CFAP91: variants seen among roughly 807,000 people sequenced by gnomAD.
CFAP91 encodes the protein cilia- and flagella-associated protein 91.
A neutral mutation model predicts 95.9 loss-of-function variants in CFAP91; 85 were observed. That is an observed-to-expected ratio of 0.89 (90% confidence interval 0.74 to 1.06). The LOEUF (loss-of-function observed/expected upper bound fraction) is 1.06. Among genes scored for constraint, CFAP91 ranks in the 50% least tolerant of loss-of-function variants. The probability of loss-of-function intolerance (pLI) is 0.00; values close to 1 mark genes in which losing one functional copy is unlikely to be tolerated. For missense variants in CFAP91, 962 were observed against 943.4 expected (o/e 1.02, Z -0.26); for synonymous variants, 335 against 327.5 (o/e 1.02, Z -0.25).
chr3:119,733,990 G>A (rs949304645), intron 10 of CFAP91, among the ~76,000 whole-genome samples: 5 of 152,072 alleles, frequency 3.3e-5, no homozygotes, highest in African/African-American at 1.2e-4. Flanking sequence ...TTTCCCTTTT[G>A]GTAGCTGGAC....
Position 119,716,002 on chromosome 3 carries a change from CTCACCT to C in CFAP91, c.682+260_682+265del, listed in dbSNP as rs2053567689. ...AATATTGCAGTTGCTTTGCTGACTA[CTCACCT>C]ATGTCCTCTCATTTCTCTCTCCTAG... On this transcript the variant is annotated intron_variant, in intron 6 of 17. Coordinates refer to ENST00000273390, the MANE Select transcript of CFAP91 (RefSeq NM_033364.4). 5.1e-6 allele frequency: 3 copies of C among 589,828 alleles called. No homozygotes were observed. The African/African-American group carries it at 5.6e-5, about 11-fold the overall frequency. The allele number at this position is 589,828 out of a possible 1,614,324, so 36.5% of individuals were successfully genotyped here.
rs1161615299 is a variant in CFAP91, at chr3:119,766,420, C to T, written c.*1370C>T. On this transcript the variant is annotated 3_prime_UTR_variant, in exon 18 of 18. Coordinates refer to ENST00000273390, the MANE Select transcript of CFAP91 (RefSeq NM_033364.4). Reference sequence around the variant, plus strand: ...TTTTTTTCCCCCTGAGGATCACTGACAAAAAACACTGCACCAGTAAGGAAG... The same window carrying T: ...TTTTTTTCCCCCTGAGGATCACTGATAAAAAACACTGCACCAGTAAGGAAG... 1.3e-5 allele frequency: 2 copies of T among 151,758 alleles called. No individual in the cohort carries two copies. The highest frequency in any genetic ancestry group is 1.3e-4 in the Admixed American group (2 of 15,236). The allele number at this position is 151,758 out of a possible 1,614,324, so 9.4% of individuals were successfully genotyped here.
rs753629441 is a variant in CFAP91, at chr3:119,747,239, A to G, written c.2027A>G (p.Asp676Gly). 1.2e-6 allele frequency: 2 copies of G among 1,613,606 alleles called. No homozygotes were observed. The highest frequency in any genetic ancestry group is 1.7e-6 in the Non-Finnish European group (2 of 1,179,740). ...GAGAAGATGGCTGAGAAAATCAATG[A>G]CATTGCTTATGAAATGGAAAGCCGG... Reference protein sequence around the residue: ...EIEKMAEKINDIAYEMESRRT... With the variant: ...EIEKMAEKINGIAYEMESRRT... The change falls in exon 15 of 18, where the codon GAC becomes GGC. Residue 676 changes from aspartate (D) to glycine (G), a missense_variant. Physicochemically the swap from Asp to Gly is moderately conservative, Grantham distance 94. Transcript: ENST00000273390.
At chr3:119,715,953 A>C in intron 6 of CFAP91, 2 of 599,332 alleles carry the variant, frequency 3.3e-6, no homozygotes, top group Non-Finnish European at 5.9e-6. Context: ...ATCGTACTCT[A>C]TCTGTGAAGC....
intron 14 of CFAP91, among the ~76,000 whole-genome samples, chr3:119,744,825 G>C (rs895706346): frequency 2.6e-5 from 4 of 152,198 alleles, no homozygotes; most frequent in Admixed American, 2.6e-4. Flanking sequence ...TTGGTGACCA[G>C]CTTCTAGCCT....
At chr3:119,716,712 G>A (rs753644895) in intron 6 of CFAP91, among the ~76,000 whole-genome samples, 33 of 152,176 alleles carry the variant, frequency 2.2e-4, no homozygotes, top group African/African-American at 4.6e-4. Context: ...TCAGTCTCCC[G>A]AGTAGCTGGG....
chr3:119,737,937 C>T (rs576563769), intron 11 of CFAP91, among the ~76,000 whole-genome samples: 13 of 152,292 alleles, frequency 8.5e-5, no homozygotes, highest in African/African-American at 2.6e-4. Context: ...TCACCAGACT[C>T]AATTTGAGCA....
chr3:119,742,510 GC>G (rs2054141340), intron 13 of CFAP91, among the ~76,000 whole-genome samples: 1 of 152,212 alleles, frequency 6.6e-6, no homozygotes, highest in Non-Finnish European at 1.5e-5. Context: ...GAGAGAAGAG[GC>G]TAAACATGAA....
chr3:119,740,835 TTGTGTGTGTGTGTGTG>T (rs57901016), intron 13 of CFAP91, 140 bp downstream of exon 13: 24 of 515,130 alleles, frequency 4.7e-5, no homozygotes, highest in South Asian at 2.1e-4. Flanking sequence ...CTGTCAGCAT[TTGTGTGTGTGTGTGTG>T]TGTGTGTGTG....
At chr3:119,711,183 A>G (rs1375257161) in intron 5 of CFAP91, among the ~76,000 whole-genome samples, 1 of 152,166 alleles carries the variant, frequency 6.6e-6, no homozygotes, top group African/African-American at 2.4e-5. Flanking sequence ...TTATGACTCT[A>G]CTTCACCCTT....
chr3:119,740,982 G>A (rs985774779), intron 13 of CFAP91, among the ~76,000 whole-genome samples: 1 of 152,034 alleles, frequency 6.6e-6, no homozygotes, highest in African/African-American at 2.4e-5. Flanking sequence ...AGTCTCCCAA[G>A]CTGGGACTAC....
intron 6 of CFAP91, among the ~76,000 whole-genome samples, chr3:119,720,966 TA>T (rs922305377): frequency 2.0e-5 from 3 of 151,688 alleles, no homozygotes; most frequent in Middle Eastern, 3.4e-3. Context: ...AGACACAGTT[TA>T]AAAAAAAATA....
chr3:119,710,973 A>G (rs2053461263), intron 5 of CFAP91, among the ~76,000 whole-genome samples: 1 of 152,230 alleles, frequency 6.6e-6, no homozygotes, highest in Admixed American at 6.5e-5. Context: ...TATTTCTGTA[A>G]GAGAAAAAAG....
chr3:119,757,941 T>C (rs1320307581), intron 17 of CFAP91, among the ~76,000 whole-genome samples: 2 of 152,206 alleles, frequency 1.3e-5, no homozygotes, highest in African/African-American at 4.8e-5. Context: ...ATATCTCTTG[T>C]TATTTAATGA....
Position 119,739,341 on chromosome 3 carries a change from C to T in CFAP91, c.1533+15C>T, listed in dbSNP as rs760470911. 2 of 1,610,448 alleles carry T rather than the reference C, an allele frequency of 1.2e-6. No individual in the cohort carries two copies. Among genetic ancestry groups the T allele is most frequent in the East Asian group, 4.5e-5 (2 of 44,800 alleles). The stretch of plus-strand genomic sequence containing the variant: ...TTCAGAACATGGTGTGTAGGTCCAA[C>T]CGCTGGCCCTGCATTTCTCTTTTGA... On this transcript the variant is annotated intron_variant, in intron 12 of 17. Coordinates refer to ENST00000273390, the MANE Select transcript of CFAP91 (RefSeq NM_033364.4).
intron 16 of CFAP91, chr3:119,750,103 G>C (rs2054298491): frequency 6.6e-6 from 1 of 152,128 alleles, no homozygotes; most frequent in South Asian, 2.1e-4. Context: ...GCTAAAAACT[G>C]CTGAGTGAAT....
At chr3:119,753,360 A>G (rs896863401) in intron 17 of CFAP91, among the ~76,000 whole-genome samples, 7 of 152,196 alleles carry the variant, frequency 4.6e-5, no homozygotes, top group African/African-American at 1.7e-4. Flanking sequence ...GAAGTAAACT[A>G]TCCCTGGCAT....
intron 17 of CFAP91, among the ~76,000 whole-genome samples, chr3:119,764,845 G>A (rs887961740): frequency 6.6e-6 from 1 of 151,956 alleles, no homozygotes; most frequent in Admixed American, 6.6e-5. Context: ...TTAAGTGCTA[G>A]AATTTGGAAA....
chr3:119,731,622 C>T (rs1230949987), intron 8 of CFAP91, among the ~76,000 whole-genome samples: 1 of 152,218 alleles, frequency 6.6e-6, no homozygotes, highest in African/African-American at 2.4e-5. Context: ...AGCAGTGGCA[C>T]ACAGGCCCCC....
Sources: gnomAD v4.1 joint callset for allele counts (sites outside exome capture counted in the v4.1 genomes callset) on GRCh38, gnomAD v4.1.1 for gene constraint, MANE v1.5 for transcripts, NCBI Gene and HGNC (gene_info 2026-07-23, HGNC 2026-07-21) for gene names.